ZNF718: variants seen among roughly 807,000 people sequenced by gnomAD.
ZNF718 encodes zinc finger protein 718.
A neutral mutation model predicts 2.6 loss-of-function variants in ZNF718; 3 were observed. That is an observed-to-expected ratio of 1.16 (90% CI 0.53 to 3.01). The LOEUF is 3.01. ZNF718 is among the 30% of genes most tolerant of loss of function. ZNF718 has a pLI of 0.03. For missense variants in ZNF718, 468 were observed against 230.0 expected, an observed-to-expected ratio of 2.03 and a Z score of -6.69; for synonymous variants, 135 against 77.9, an observed-to-expected ratio of 1.73 and a Z score of -3.86.
intron 3 of ZNF718, among the ~76,000 whole-genome samples, chr4:195,860 A>G (rs1717780235): frequency 6.6e-6 from 1 of 152,164 alleles, no homozygotes; most frequent in Admixed American, 6.5e-5. Flanking sequence ...ACCTTCAATT[A>G]TCAATTATAG....
At chr4:194,561 A>G (rs988350346) in intron 3 of ZNF718, among the ~76,000 whole-genome samples, 2 of 152,178 alleles carry the variant, frequency 1.3e-5, no homozygotes, top group African/African-American at 2.4e-5. Flanking sequence ...CTCTCAGGCT[A>G]CAGTTATGGT....
Position 161,146 on chromosome 4 carries a change from A to T in ZNF718, c.461A>T (p.Lys154Ile), listed in dbSNP as rs1253998889. ...QSNICVKVFHKFSNSNKDKIR... is the reference protein window; with the variant it reads ...QSNICVKVFHIFSNSNKDKIR... Reference sequence around the variant, plus strand: ...AATATATGTGTCAAAGTTTTTCATAAATTTTCAAATTCAAACAAAGATAAG... The same window carrying T: ...AATATATGTGTCAAAGTTTTTCATATATTTTCAAATTCAAACAAAGATAAG... The change falls in exon 4 of 4, where the codon AAA becomes ATA. Residue 154 changes from lysine to isoleucine, a missense_variant. Coordinates refer to ENST00000510175, the MANE Select transcript of ZNF718 (RefSeq NM_001039127.6). 1 of 756,610 alleles carries T rather than the reference A, an allele frequency of 1.3e-6. No individual in the cohort carries two copies. The highest frequency in any genetic ancestry group is 1.7e-5 in the African/African-American group (1 of 58,112). The allele number at this position is 756,610 out of a possible 1,614,324, so 46.9% of individuals were successfully genotyped here.
At chr4:165,430 T>G (rs973075394), downstream of ZNF718, among the ~76,000 whole-genome samples, 2 of 152,058 alleles carry the variant, frequency 1.3e-5, no homozygotes, top group Non-Finnish European at 2.9e-5. Context: ...TCAATATGAG[T>G]GGGTTGCATA....
downstream of ZNF718, among the ~76,000 whole-genome samples, chr4:166,147 A>G: frequency 6.6e-6 from 1 of 152,164 alleles, no homozygotes. Context: ...GATGGTTTCC[A>G]GCTTCATCCA....
chr4:194,897 C>T (rs1717761683), intron 3 of ZNF718, among the ~76,000 whole-genome samples: 1 of 152,182 alleles, frequency 6.6e-6, no homozygotes, highest in South Asian at 2.1e-4. Flanking sequence ...CTTTATGGTC[C>T]TAATGCTTAT....
intron 3 of ZNF718, among the ~76,000 whole-genome samples, chr4:189,117 A>G (rs9997079): frequency 0.014 from 2,088 of 146,212 alleles, 53 homozygotes; most frequent in African/African-American, 0.051. Context: ...CTGGAGTGCA[A>G]TGGTGCAATC....
rs1452287164 is a variant in ZNF718, at chr4:162,332, A to G, written c.*210A>G. 2 of 431,154 alleles carry G rather than the reference A, an allele frequency of 4.6e-6. No homozygotes were observed. The highest frequency in any genetic ancestry group is 8.2e-6 in the Non-Finnish European group (2 of 243,864). The allele number at this position is 431,154 out of a possible 1,614,324, so 26.7% of individuals were successfully genotyped here. A position where few individuals can be genotyped will look rare whatever the true frequency, so the allele number is the denominator to read the frequency against. Reference sequence around the variant, plus strand: ...TCAAATGCTTGTCACATATTACTGAATATAATTCTTACTGCAGAAAACCCC... The same window carrying G: ...TCAAATGCTTGTCACATATTACTGAGTATAATTCTTACTGCAGAAAACCCC... On this transcript the variant is annotated 3_prime_UTR_variant, in exon 4 of 4. Transcript: ENST00000510175.
At chr4:186,690 G>T (rs1717572151) in intron 3 of ZNF718, among the ~76,000 whole-genome samples, 2 of 152,060 alleles carry the variant, frequency 1.3e-5, no homozygotes, top group East Asian at 1.9e-4. Flanking sequence ...TCCTCCACTT[G>T]GTCTATTGTG....
intron 3 of ZNF718, among the ~76,000 whole-genome samples, chr4:188,131 C>T (rs782382707): frequency 6.6e-6 from 1 of 152,206 alleles, no homozygotes; most frequent in Non-Finnish European, 1.5e-5. Flanking sequence ...AGGTAGCAGC[C>T]CATCTTCCCC....
rs371769210 is a variant in ZNF718 at position 161,995 on chromosome 4, A to G, written c.1310A>G (p.His437Arg). 1.4e-5 allele frequency: 11 copies of G among 779,442 alleles called. No homozygotes were observed. The highest frequency in any genetic ancestry group is 3.4e-5 in the African/African-American group (2 of 59,124). 48.3% of individuals were successfully genotyped at this position (779,442 alleles called of 1,614,324 possible). Reference sequence around the variant, plus strand: ...GGCAAAGCCTTTAAACAGTCCTCACACTTGAATAAACATAAGAAAATTCAC... The same window carrying G: ...GGCAAAGCCTTTAAACAGTCCTCACGCTTGAATAAACATAAGAAAATTCAC... ...QCGKAFKQSS[H>R]LNKHKKIHTV... The change falls in exon 4 of 4, where the codon CAC becomes CGC. Residue 437 changes from histidine to arginine, a missense_variant. Physicochemically the swap from His to Arg is conservative, Grantham distance 29. Coordinates refer to ENST00000510175, the MANE Select transcript of ZNF718 (RefSeq NM_001039127.6).
In ZNF718 at chr4:124,512, G is replaced by A; in HGVS notation, c.-159G>A. 1 of 1,029,670 alleles carries A rather than the reference G, an allele frequency of 9.7e-7. No homozygotes were observed. Among genetic ancestry groups the A allele is most frequent in the South Asian group, 1.3e-5 (1 of 78,388 alleles). The allele number at this position is 1,029,670 out of a possible 1,614,324, so 63.8% of individuals were successfully genotyped here. On this transcript the variant is annotated 5_prime_UTR_variant, in exon 1 of 4. Transcript: ENST00000510175. The stretch of plus-strand genomic sequence containing the variant: ...CCGGGATCTGGCGCGGCTTTTGCTT[G>A]TAGCTCCAGCCAGAGCTCGGTTAGG...
chr4:128,995 G>A lies in ZNF718; in HGVS notation c.4-1793G>A, dbSNP rs1715296533. ...TGAATAAATGATTGAATTCAGCATC[G>A]TGTGTTCAGTACAAAGACAGAAACT... is the stretch of plus-strand genomic sequence containing the variant. On this transcript the variant is annotated intron_variant, in intron 1 of 3. Transcript: ENST00000510175. Among the ~76,000 whole-genome samples the A allele has an allele frequency of 2.9e-5, 3 of 104,612 alleles. 1 individual carries two copies. The highest frequency in any genetic ancestry group is 2.0e-4 in the Admixed American group (2 of 9,776). The allele number at this position is 104,612 out of a possible 152,430, so 68.6% of individuals were successfully genotyped here.
intron 3 of ZNF718, chr4:150,265 G>C (rs1171322302): frequency 1.2e-4 from 19 of 152,068 alleles, no homozygotes; most frequent in African/African-American, 4.6e-4. Flanking sequence ...CATTTGTGTT[G>C]TTTCCAGGAA....
intron 3 of ZNF718, among the ~76,000 whole-genome samples, chr4:145,369 C>G (rs1182652562): frequency 6.6e-6 from 1 of 152,052 alleles, no homozygotes; most frequent in Non-Finnish European, 1.5e-5. Context: ...TGCTTTGATT[C>G]TTTTTCTTTT....
chr4:171,908 G>C (rs1027441279), intron 3 of ZNF718, among the ~76,000 whole-genome samples: 2 of 152,180 alleles, frequency 1.3e-5, no homozygotes, highest in African/African-American at 4.8e-5. Context: ...AGTTGGAAAT[G>C]CAGAAATCAC....
intron 3 of ZNF718, among the ~76,000 whole-genome samples, chr4:160,396 C>T (rs1412087842): frequency 2.6e-5 from 4 of 152,080 alleles, no homozygotes; most frequent in Non-Finnish European, 5.9e-5. Flanking sequence ...AGATTTCACA[C>T]AAAGGCATTT....
chr4:167,125 C>T (rs923225878), downstream of ZNF718, among the ~76,000 whole-genome samples: 4 of 152,058 alleles, frequency 2.6e-5, no homozygotes, highest in South Asian at 2.1e-4. Flanking sequence ...CCCCATTTCT[C>T]GTTTTTGTCA....
intron 3 of ZNF718, among the ~76,000 whole-genome samples, chr4:134,017 T>C (rs1553808833): frequency 6.6e-6 from 1 of 152,250 alleles, no homozygotes; most frequent in African/African-American, 2.4e-5. Context: ...TAATGCTGAA[T>C]GTACTTTAGA....
chr4:179,263 A>G (rs1451662137), intron 3 of ZNF718, among the ~76,000 whole-genome samples: 5 of 152,184 alleles, frequency 3.3e-5, no homozygotes, highest in Non-Finnish European at 5.9e-5. Flanking sequence ...CTTTATGCCA[A>G]TATCACAATG....
Sources: gnomAD v4.1 joint callset for allele counts (sites outside exome capture counted in the v4.1 genomes callset) on GRCh38, gnomAD v4.1.1 for gene constraint, MANE v1.5 for transcripts, NCBI Gene and HGNC (gene_info 2026-07-23, HGNC 2026-07-21) for gene names.